Variants in SYNPR observed in about 807,000 individuals in gnomAD.
SYNPR encodes the protein synaptoporin.
A neutral mutation model predicts 32.9 loss-of-function variants in SYNPR; 23 were observed. The ratio of observed to expected loss-of-function variants is 0.70; its 90% CI spans 0.50 to 0.99. The LOEUF (loss-of-function observed/expected upper bound fraction) is 0.99, where lower values mean the gene tolerates loss of function less well. Among genes scored for constraint, SYNPR ranks in the 50% least tolerant of loss-of-function variants. The pLI is 0.00. For missense variants in SYNPR, 318 were observed against 349.3 expected (o/e 0.91, Z 0.71); for synonymous variants, 146 against 135.9 (o/e 1.07, Z -0.52).
At chr3:63,458,015 T>C (rs979215687) in intron 2 of SYNPR, among the ~76,000 whole-genome samples, 1 of 152,192 alleles carries the variant, frequency 6.6e-6, no homozygotes, top group Admixed American at 6.6e-5. Context: ...AATTTTATTC[T>C]TACCTTGTCT....
intron 4 of SYNPR, among the ~76,000 whole-genome samples, chr3:63,605,042 T>C (rs1172309402): frequency 6.6e-6 from 1 of 152,214 alleles, no homozygotes; most frequent in Non-Finnish European, 1.5e-5. Context: ...CAAATGTTGA[T>C]GGCACCTCTC....
chr3:63,412,198 G>T (rs1560222570), intron 2 of SYNPR, among the ~76,000 whole-genome samples: 1 of 152,166 alleles, frequency 6.6e-6, no homozygotes, highest in African/African-American at 2.4e-5. Flanking sequence ...CAGCAAAAGA[G>T]TGAGAATAGT....
intron 3 of SYNPR, among the ~76,000 whole-genome samples, chr3:63,546,961 T>C (rs1031685364): frequency 6.6e-6 from 1 of 152,136 alleles, no homozygotes; most frequent in Non-Finnish European, 1.5e-5. Flanking sequence ...TCTGGCTGCC[T>C]GGAAAATGCC....
chr3:63,422,738 C>T (rs1418392659), intron 2 of SYNPR, among the ~76,000 whole-genome samples: 1 of 151,866 alleles, frequency 6.6e-6, no homozygotes, highest in Non-Finnish European at 1.5e-5. Flanking sequence ...TGGTTTTGGT[C>T]CTACCTAGAA....
intron 1 of SYNPR, among the ~76,000 whole-genome samples, chr3:63,245,706 AGAGAGTGTGTGTGT>A (rs1349611438): frequency 1.6e-4 from 9 of 56,286 alleles, no homozygotes; most frequent in African/African-American, 5.3e-4. Flanking sequence ...AGAGAGAGAG[AGAGAGTGTGTGTGT>A]GTGTGTGTGT....
At chr3:63,391,020 GA>G (rs2088126909) in intron 2 of SYNPR, among the ~76,000 whole-genome samples, 1 of 152,222 alleles carries the variant, frequency 6.6e-6, no homozygotes, top group African/African-American at 2.4e-5. Flanking sequence ...TTTGTTGAAT[GA>G]ATTAGTCATC....
chr3:63,513,169 A>G (rs905830712), intron 3 of SYNPR, among the ~76,000 whole-genome samples: 1 of 42,966 alleles, frequency 2.3e-5, no homozygotes, highest in Non-Finnish European at 4.6e-5. Context: ...CCCCACCCCC[A>G]CACTCCTACA....
chr3:63,558,230 C>A (rs72887396), intron 4 of SYNPR, among the ~76,000 whole-genome samples: 6,501 of 152,290 alleles, frequency 0.043, 494 homozygotes, highest in African/African-American at 0.15. Context: ...GCTAAATAAA[C>A]CTCTTTTCTT....
rs557227750 is a variant in SYNPR at position 63,535,275 on chromosome 3, A to C, written c.210-21268A>C. 1.2e-3 allele frequency among the ~76,000 whole-genome samples: 181 copies of C among 152,286 alleles called. 2 individuals are homozygous for C. In the South Asian group the frequency reaches 0.023, roughly 20 times the overall value. ...CAATAAATATATATTAAAGGCAGGA[A>C]TTTATATTGTGATACTAAAAATATG... On this transcript the variant is annotated intron_variant, in intron 3 of 5. Transcript: ENST00000478300.
At position 63,568,800 on chromosome 3, in the gene SYNPR, C is replaced by A. The variant is rs1031179872; in HGVS notation, c.408+12059C>A. Among the ~76,000 whole-genome samples, 4 of 152,272 alleles carry A rather than the reference C, an allele frequency of 2.6e-5. No homozygotes were observed. The South Asian group carries it at 8.3e-4, about 32-fold the overall frequency. On this transcript the variant is annotated intron_variant, in intron 4 of 5. Transcript: ENST00000478300. ...TGAATTCAGCCACAGCTGAAGCCAG[C>A]ACATTCTAGACTTTCCGGTTGTCAG...
At chr3:63,217,747 G>T in the SYNPR span, among the ~76,000 whole-genome samples, 1 of 152,146 alleles carries the variant, frequency 6.6e-6, no homozygotes, top group Non-Finnish European at 1.5e-5. Context: ...GATTTATGAG[G>T]ACAGATTCCT....
chr3:63,567,867 T>C (rs1400415654), intron 4 of SYNPR, among the ~76,000 whole-genome samples: 1 of 152,208 alleles, frequency 6.6e-6, no homozygotes, highest in Non-Finnish European at 1.5e-5. Flanking sequence ...TAGAATGCTC[T>C]TCCACGTTGT....
intron 2 of SYNPR, among the ~76,000 whole-genome samples, chr3:63,295,100 C>G (rs2086781489): frequency 6.6e-6 from 1 of 152,004 alleles, no homozygotes; most frequent in Non-Finnish European, 1.5e-5. Flanking sequence ...CTCTCTTTCT[C>G]AGATCATATT....
chr3:63,496,138 A>T (rs1575675630), intron 3 of SYNPR, among the ~76,000 whole-genome samples: 1 of 152,074 alleles, frequency 6.6e-6, no homozygotes. Context: ...TTTATTTTTT[A>T]AAAATCCTAT....
chr3:63,372,415 C>T (rs1014996159), intron 2 of SYNPR, among the ~76,000 whole-genome samples: 6 of 152,190 alleles, frequency 3.9e-5, no homozygotes, highest in Non-Finnish European at 7.3e-5. Flanking sequence ...ACTGCCACTG[C>T]AGCGATACTG....
chr3:63,408,182 GAAAGAAAGAAAGAGGAAGGAAGGA>G (rs1240348113), intron 2 of SYNPR, among the ~76,000 whole-genome samples: 1 of 108,082 alleles, frequency 9.3e-6, no homozygotes, highest in African/African-American at 4.1e-5. Flanking sequence ...AAGAAAGAAA[GAAAGAAAGAAAGAGGAAGGAAGGA>G]AGGAAGGAAG....
chr3:63,574,368 C>T (rs1702942142), intron 4 of SYNPR, among the ~76,000 whole-genome samples: 1 of 152,088 alleles, frequency 6.6e-6, no homozygotes, highest in South Asian at 2.1e-4. Flanking sequence ...TAAGCATCAA[C>T]TAGATGTTGA....
At chr3:63,263,932 T>C (rs6445336) in intron 2 of SYNPR, among the ~76,000 whole-genome samples, 116,376 of 152,070 alleles carry the variant, frequency 0.77, 45,408 homozygotes, top group Middle Eastern at 0.87. Flanking sequence ...GGGCCGTGTT[T>C]CAAAACTGCC....
chr3:63,400,175 A>G (rs928990875), intron 2 of SYNPR, among the ~76,000 whole-genome samples: 2 of 152,228 alleles, frequency 1.3e-5, no homozygotes, highest in Non-Finnish European at 2.9e-5. Flanking sequence ...TAATGGATAC[A>G]TGGGCTTTTC....
Sources: gnomAD v4.1 joint callset for allele counts (sites outside exome capture counted in the v4.1 genomes callset) on GRCh38, gnomAD v4.1.1 for gene constraint, MANE v1.5 for transcripts, NCBI Gene and HGNC (gene_info 2026-07-23, HGNC 2026-07-21) for gene names.